Variants in LRSAM1 observed in about 807,000 individuals in gnomAD.
The protein encoded by LRSAM1 is leucine rich repeat and sterile alpha motif containing 1, also known as E3 ubiquitin-protein ligase LRSAM1.
In LRSAM1, 96 loss-of-function variants were observed where a neutral mutation model predicts 118.1. The observed-to-expected ratio is 0.81, with a 90% CI of 0.69 to 0.96. LRSAM1 has a LOEUF of 0.96. Ranked by LOEUF, LRSAM1 falls within the 40% of genes least tolerant of loss-of-function variation. The probability of loss-of-function intolerance (pLI) is 0.00; values close to 1 mark genes in which losing one functional copy is unlikely to be tolerated. For synonymous variants in LRSAM1, 322 were observed against 364.2 expected (o/e 0.88, Z 1.32); for missense variants, 804 against 915.5 (o/e 0.88, Z 1.57).
chr9:127,479,509 T>G lies in LRSAM1; in HGVS notation c.903+4T>G. Reference sequence around the variant, plus strand: ...GATCCTTCAGACGGTCAAGGAGGTTTGTGAGCCGCCTGCTAGGGTCCAGCC... The same window carrying G: ...GATCCTTCAGACGGTCAAGGAGGTTGGTGAGCCGCCTGCTAGGGTCCAGCC... On this transcript the variant is annotated splice_donor_region_variant and intron_variant, in intron 13 of 25. Transcript: ENST00000300417. 6.2e-7 allele frequency: 1 copy of G among 1,613,686 alleles called. No individual in the cohort carries two copies. Among genetic ancestry groups the G allele is most frequent in the Non-Finnish European group, 8.5e-7 (1 of 1,179,872 alleles).
chr9:127,502,030 T>A (rs1004698015), intron 25 of LRSAM1, among the ~76,000 whole-genome samples: 2 of 152,212 alleles, frequency 1.3e-5, no homozygotes, highest in African/African-American at 2.4e-5. Context: ...CAAAGTGTGG[T>A]CCTGAGTCAG....
At chr9:127,491,354 C>T (rs1835926460) in intron 20 of LRSAM1, 59 bp downstream of exon 20, 1 of 1,369,404 alleles carries the variant, frequency 7.3e-7, no homozygotes, top group Non-Finnish European at 1.0e-6. Context: ...ACCTGGTGCT[C>T]CCTCCCAGCC....
intron 21 of LRSAM1, among the ~76,000 whole-genome samples, 181 bp from the exon 22 acceptor site, chr9:127,495,139 T>TG (rs937480110): frequency 1.3e-4 from 19 of 151,952 alleles, no homozygotes; most frequent in Admixed American, 2.0e-4. Context: ...TTAGTAGAGG[T>TG]GGGGGGTTTC....
chr9:127,481,734 A>G lies in LRSAM1; in HGVS notation c.1088+507A>G, dbSNP rs141016808. On this transcript the variant is annotated intron_variant, in intron 15 of 25. Coordinates refer to ENST00000300417, the MANE Select transcript of LRSAM1 (RefSeq NM_001005373.4). ...CATTCAGAGACATGAATAAGGCTAG[A>G]TATATAATGTCCAACTATATTCCTA... Among the ~76,000 whole-genome samples the G allele has an allele frequency of 4.3e-3, 662 of 152,282 alleles. 3 individuals are homozygous for G. Among genetic ancestry groups the G allele is most frequent in the Admixed American group, 9.1e-3 (139 of 15,284 alleles).
rs1428696050 is a variant in LRSAM1 at position 127,458,419 on chromosome 9, C to CA, written c.253-575dup. Among the ~76,000 whole-genome samples the CA allele has an allele frequency of 9.2e-5, 13 of 141,404 alleles. 1 individual carries two copies. The highest frequency in any genetic ancestry group is 1.3e-4 in the African/African-American group (5 of 37,244). 92.8% of individuals were successfully genotyped at this position (141,404 alleles called of 152,430 possible). A position where few individuals can be genotyped will look rare whatever the true frequency, so the allele number is the denominator to read the frequency against. On this transcript the variant is annotated intron_variant, in intron 6 of 25. Transcript: ENST00000300417. ...CAAAACAAAACAAAACAAAACAAAA[C>CA]AAAAAAAAACACCAGCAGAGCATGT...
chr9:127,502,760 C>T lies in LRSAM1; in HGVS notation c.2047-14C>T. Reference sequence around the variant, plus strand: ...CGGTAGGGCCAGCCACATGCTCCCGCTCTCCCTCCCCAGGCCCAGATGATC... The same window carrying T: ...CGGTAGGGCCAGCCACATGCTCCCGTTCTCCCTCCCCAGGCCCAGATGATC... On this transcript the variant is annotated splice_polypyrimidine_tract_variant and intron_variant, in intron 25 of 25. Coordinates refer to ENST00000300417, the MANE Select transcript of LRSAM1 (RefSeq NM_001005373.4). The T allele has an allele frequency of 1.9e-6, 3 of 1,612,144 alleles. No individual in the cohort carries two copies. Among genetic ancestry groups the T allele is most frequent in the Non-Finnish European group, 2.5e-6 (3 of 1,179,626 alleles).
intron 21 of LRSAM1, among the ~76,000 whole-genome samples, chr9:127,494,385 G>A (rs904516003): frequency 6.6e-6 from 1 of 152,228 alleles, no homozygotes; most frequent in Non-Finnish European, 1.5e-5. Flanking sequence ...GACAGGCCTG[G>A]GTCCAATTCC....
At chr9:127,482,113 A>G (rs905127283) in intron 15 of LRSAM1, among the ~76,000 whole-genome samples, 16 of 151,110 alleles carry the variant, frequency 1.1e-4, no homozygotes, top group African/African-American at 3.9e-4. Context: ...GTGACAGGCT[A>G]TATTTATAGC....
chr9:127,486,909 G>A (rs866358704), intron 17 of LRSAM1, among the ~76,000 whole-genome samples: 4 of 151,816 alleles, frequency 2.6e-5, no homozygotes, highest in East Asian at 1.9e-4. Context: ...GTGGCTGGGC[G>A]CAGTGGCTCA....
intron 25 of LRSAM1, 64 bp from the exon 26 acceptor site, chr9:127,502,710 A>G: frequency 1.0e-5 from 14 of 1,393,936 alleles, no homozygotes; most frequent in African/African-American, 1.6e-5. Context: ...AAAAAAAAAA[A>G]GACGGGCCTG....
intron 2 of LRSAM1, chr9:127,454,073 TGGAAC>T (rs1834423630): frequency 3.2e-5 from 10 of 312,474 alleles, no homozygotes; most frequent in Admixed American, 1.0e-4. Flanking sequence ...CCTGCCCCCG[TGGAAC>T]TCACTAGAAA....
intron 18 of LRSAM1, 83 bp from the exon 19 acceptor site, chr9:127,489,361 C>T (rs1211242649): frequency 8.7e-6 from 13 of 1,495,830 alleles, no homozygotes; most frequent in African/African-American, 1.4e-5. Flanking sequence ...GCTTTGTACA[C>T]AGCTTTTGCT....
chr9:127,457,210 C>A, intron 5 of LRSAM1, 106 bp from the exon 6 acceptor site: 1 of 1,229,194 alleles, frequency 8.1e-7, no homozygotes, highest in Non-Finnish European at 1.2e-6. Context: ...TCTGGGAGAG[C>A]AAGATGGTGG....
Position 127,492,881 on chromosome 9 carries a change from A to T in LRSAM1, c.1583A>T (p.Glu528Val). 1 of 1,613,994 alleles carries T rather than the reference A, an allele frequency of 6.2e-7. No individual in the cohort carries two copies. The highest frequency in any genetic ancestry group is 8.5e-7 in the Non-Finnish European group (1 of 1,180,020). Reference sequence around the variant, plus strand: ...AAAGAGAAGCAGCAGCGAGAGGAAGAGCTCCGGGAAATCCTGGTATGTGTT... The same window carrying T: ...AAAGAGAAGCAGCAGCGAGAGGAAGTGCTCCGGGAAATCCTGGTATGTGTT... ...LLKEKQQREE[E>V]LREILTELEA... is the part of the protein sequence containing the mutation. The change falls in exon 21 of 26, where the codon GAG (glutamate) becomes GTG (valine). Residue 528 changes from glutamate to valine, a missense_variant. Physicochemically the swap from Glu to Val is moderately radical, Grantham distance 121. Transcript: ENST00000300417.
At chr9:127,499,609 GGTCTAGT>G (rs1369238734) in intron 24 of LRSAM1, among the ~76,000 whole-genome samples, 1 of 151,872 alleles carries the variant, frequency 6.6e-6, no homozygotes, top group Admixed American at 6.6e-5. Context: ...AGCCTTAGAG[GGTCTAGT>G]GTTGTAACAG....
At chr9:127,479,018 C>T (rs1367406364) in intron 12 of LRSAM1, 55 bp downstream of exon 12, 1 of 1,541,716 alleles carries the variant, frequency 6.5e-7, no homozygotes, top group Non-Finnish European at 9.0e-7. Context: ...GATCTCAACT[C>T]AACTCATAAA....
intron 19 of LRSAM1, among the ~76,000 whole-genome samples, chr9:127,490,150 C>T (rs1835882875): frequency 6.6e-6 from 1 of 152,234 alleles, no homozygotes. Context: ...GGGGCTGGGG[C>T]TGGGGCTGAA....
chr9:127,477,028 A>G (rs1835370120), intron 11 of LRSAM1, among the ~76,000 whole-genome samples: 1 of 152,234 alleles, frequency 6.6e-6, no homozygotes, highest in Non-Finnish European at 1.5e-5. Context: ...CTCTATGCAT[A>G]TATAAAGATT....
Position 127,503,385 on chromosome 9 carries a change from T to C in LRSAM1, c.*486T>C. The C allele has an allele frequency of 5.3e-6, 1 of 187,062 alleles. No homozygotes were observed. Among genetic ancestry groups the C allele is most frequent in the Non-Finnish European group, 1.1e-5 (1 of 89,166 alleles). 11.6% of individuals were successfully genotyped at this position (187,062 alleles called of 1,614,324 possible). ...ACAGTGGCACCAGCAACCCTGGGTCTCCCTCTCTGCTGCTCCCCAGAACCC... is the reference window on the plus strand; with the variant it reads ...ACAGTGGCACCAGCAACCCTGGGTCCCCCTCTCTGCTGCTCCCCAGAACCC... On this transcript the variant is annotated 3_prime_UTR_variant, in exon 26 of 26. Coordinates refer to ENST00000300417, the MANE Select transcript of LRSAM1 (RefSeq NM_001005373.4).
Sources: allele counts gnomAD v4.1 joint callset (sites outside exome capture counted in the v4.1 genomes callset), GRCh38; gene constraint gnomAD v4.1.1; transcripts MANE v1.5; gene names NCBI Gene and HGNC (gene_info 2026-07-23, HGNC 2026-07-21).